ACAP2: variants seen among roughly 807,000 people sequenced by gnomAD.
The protein encoded by ACAP2 is ArfGAP with coiled-coil, ankyrin repeat and PH domains 2.
Under a neutral mutation model 115.8 loss-of-function variants are expected in ACAP2, and 39 were observed. The ratio of observed to expected loss-of-function variants is 0.34; its 90% CI spans 0.26 to 0.44. The LOEUF (loss-of-function observed/expected upper bound fraction) is 0.44. Among genes scored for constraint, ACAP2 ranks in the 20% least tolerant of loss-of-function variants. The probability of loss-of-function intolerance (pLI) is 1.00; values close to 1 mark genes in which losing one functional copy is unlikely to be tolerated. For missense variants in ACAP2, 662 were observed against 927.6 expected (o/e 0.71, Z 3.72); for synonymous variants, 289 against 315.8 (o/e 0.92, Z 0.90).
At chr3:195,314,047 A>G (rs1453826604) in intron 10 of ACAP2, among the ~76,000 whole-genome samples, 1 of 152,176 alleles carries the variant, frequency 6.6e-6, no homozygotes, top group Admixed American at 6.5e-5. Flanking sequence ...TTTCAATCGC[A>G]TCATACAAAA....
intron 1 of ACAP2, chr3:195,412,856 G>A (rs552345122): frequency 2.0e-5 from 9 of 453,414 alleles, no homozygotes; most frequent in East Asian, 7.0e-5. Context: ...TGGATGTCAC[G>A]CACTGTACTA....
intron 1 of ACAP2, among the ~76,000 whole-genome samples, chr3:195,407,424 G>C (rs1236549389): frequency 6.6e-6 from 1 of 151,924 alleles, no homozygotes; most frequent in Non-Finnish European, 1.5e-5. Flanking sequence ...AAACAAGAAA[G>C]TCCTGGGCAC....
At chr3:195,354,071 T>C (rs1285848378) in intron 4 of ACAP2, among the ~76,000 whole-genome samples, 2 of 152,206 alleles carry the variant, frequency 1.3e-5, no homozygotes, top group Non-Finnish European at 2.9e-5. Flanking sequence ...GCTCCCCCAC[T>C]TATAAATGAG....
chr3:195,285,552 A>T (rs892587553), intron 22 of ACAP2: 40 of 404,996 alleles, frequency 9.9e-5, no homozygotes, highest in Admixed American at 8.5e-5. Flanking sequence ...AGTGAAATAG[A>T]GCAAGTCAAT....
At chr3:195,348,484 T>A (rs79966710) in intron 4 of ACAP2, among the ~76,000 whole-genome samples, 3,927 of 152,120 alleles carry the variant, frequency 0.026, 148 homozygotes, top group African/African-American at 0.086. Context: ...TCGGAAAATC[T>A]ATTCTCTGAG....
At chr3:195,325,510 A>T (rs190082831) in intron 9 of ACAP2, 23 of 410,958 alleles carry the variant, frequency 5.6e-5, no homozygotes, top group Non-Finnish European at 2.8e-5. Flanking sequence ...TAAGCAAAAA[A>T]TAGCATCATT....
chr3:195,408,853 T>C (rs938622597), intron 1 of ACAP2, among the ~76,000 whole-genome samples: 10 of 152,316 alleles, frequency 6.6e-5, no homozygotes, highest in African/African-American at 2.4e-4. Flanking sequence ...AAAAAATCCA[T>C]GATCATCTCC....
At chr3:195,306,975 A>C (rs1728467817) in intron 12 of ACAP2, 1 of 381,400 alleles carries the variant, frequency 2.6e-6, no homozygotes, top group Non-Finnish European at 4.6e-6. Context: ...ATTCATCATA[A>C]TAGCTAAAAC....
At chr3:195,323,241 AC>A (rs1425542604) in intron 9 of ACAP2, among the ~76,000 whole-genome samples, 14 of 152,116 alleles carry the variant, frequency 9.2e-5, no homozygotes, top group African/African-American at 3.1e-4. Flanking sequence ...CAGCAAAATA[AC>A]AAAAAAAGAG....
At chr3:195,394,016 G>A (rs926074929) in intron 1 of ACAP2, among the ~76,000 whole-genome samples, 3 of 151,960 alleles carry the variant, frequency 2.0e-5, no homozygotes, top group African/African-American at 7.3e-5. Context: ...AAGGATTTGC[G>A]CTTTTTACTA....
chr3:195,339,160 G>A (rs1730707649), intron 6 of ACAP2, among the ~76,000 whole-genome samples: 1 of 152,148 alleles, frequency 6.6e-6, no homozygotes, highest in African/African-American at 2.4e-5. Flanking sequence ...AAACCCTGGA[G>A]GCGGAGGTTG....
At position 195,381,069 on chromosome 3, in the gene ACAP2, GA is replaced by G; in HGVS notation, c.232-8del. On this transcript the variant is annotated splice_region_variant and splice_polypyrimidine_tract_variant and intron_variant, in intron 3 of 22. Transcript: ENST00000326793. ...AAAACTTGGTCAAACTTGTCTATGA[GA>G]AAAAAAGCAAAAGAAAACCAAATCA... The G allele has an allele frequency of 1.3e-6, 2 of 1,587,452 alleles. No homozygotes were observed. Among genetic ancestry groups the G allele is most frequent in the South Asian group, 1.2e-5 (1 of 85,542 alleles).
chr3:195,335,657 TTA>T (rs1730451402), intron 7 of ACAP2, among the ~76,000 whole-genome samples: 1 of 152,140 alleles, frequency 6.6e-6, no homozygotes, highest in East Asian at 1.9e-4. Context: ...GGTATAAATA[TTA>T]TCTTTTAGAA....
At chr3:195,431,765 T>C (rs1421446403) in intron 1 of ACAP2, among the ~76,000 whole-genome samples, 2 of 151,890 alleles carry the variant, frequency 1.3e-5, no homozygotes, top group Non-Finnish European at 2.9e-5. Flanking sequence ...TAACTTCTTA[T>C]CTTAGGAACT....
chr3:195,323,709 A>G (rs1249476897), intron 9 of ACAP2, among the ~76,000 whole-genome samples: 2 of 152,102 alleles, frequency 1.3e-5, no homozygotes, highest in Non-Finnish European at 2.9e-5. Flanking sequence ...AAAATAAAAC[A>G]ACTGGACTCA....
intron 4 of ACAP2, among the ~76,000 whole-genome samples, chr3:195,372,449 C>T (rs1444616810): frequency 6.6e-6 from 1 of 152,180 alleles, no homozygotes; most frequent in Non-Finnish European, 1.5e-5. Flanking sequence ...GACCTCAGCA[C>T]CTGGGAGTCC....
intron 13 of ACAP2, among the ~76,000 whole-genome samples, chr3:195,304,093 G>A (rs1210607865): frequency 6.8e-6 from 1 of 146,282 alleles, no homozygotes; most frequent in Non-Finnish European, 1.5e-5. Context: ...GAACCTGGGA[G>A]GTGGAAGTTG....
At chr3:195,319,100 A>T (rs1393542363) in intron 10 of ACAP2, among the ~76,000 whole-genome samples, 12 of 152,238 alleles carry the variant, frequency 7.9e-5, no homozygotes, top group Non-Finnish European at 2.9e-5. Context: ...CAGAGTGGGC[A>T]AGCCCCAAGC....
chr3:195,406,223 T>C (rs1241608486), intron 1 of ACAP2, among the ~76,000 whole-genome samples: 1 of 152,218 alleles, frequency 6.6e-6, no homozygotes, highest in Non-Finnish European at 1.5e-5. Flanking sequence ...AGAATCTTTA[T>C]ACTTCAAAAT....
Sources: allele counts gnomAD v4.1 joint callset (sites outside exome capture counted in the v4.1 genomes callset), GRCh38; gene constraint gnomAD v4.1.1; transcripts MANE v1.5; gene names NCBI Gene and HGNC (gene_info 2026-07-23, HGNC 2026-07-21).